Variants in CHLSN observed in about 807,000 individuals in gnomAD.
CHLSN encodes the protein protein cholesin.
chr7:1,095,712 GGTCA>G, the CHLSN span, among the ~76,000 whole-genome samples: 8 of 152,208 alleles, frequency 5.3e-5, no homozygotes, highest in Non-Finnish European at 1.0e-4. Flanking sequence ...GCACTAGAAG[GGTCA>G]GTCACTGCTC....
At chr7:1,125,211 C>A in the CHLSN span, among the ~76,000 whole-genome samples, 9 of 152,220 alleles carry the variant, frequency 5.9e-5, no homozygotes, top group Non-Finnish European at 1.2e-4. Context: ...TCCACCGTCC[C>A]GGGCATCCGT....
At chr7:1,103,017 C>G in the CHLSN span, among the ~76,000 whole-genome samples, 3 of 152,220 alleles carry the variant, frequency 2.0e-5, no homozygotes, top group Non-Finnish European at 2.9e-5. Context: ...CGACCCCTTA[C>G]CCGTGACACG....
At chr7:1,004,426 A>T in the CHLSN span, among the ~76,000 whole-genome samples, 1 of 152,316 alleles carries the variant, frequency 6.6e-6, no homozygotes, top group African/African-American at 2.4e-5. Flanking sequence ...AGTCAGTCAC[A>T]GCTGCTCTGC....
chr7:1,064,142 GCA>G, the CHLSN span, among the ~76,000 whole-genome samples: 1 of 152,172 alleles, frequency 6.6e-6, no homozygotes, highest in Non-Finnish European at 1.5e-5. Context: ...AAGCACGCAT[GCA>G]CACACACAAA....
the CHLSN span, among the ~76,000 whole-genome samples, chr7:1,021,733 A>G: frequency 6.6e-6 from 1 of 152,206 alleles, no homozygotes; most frequent in Non-Finnish European, 1.5e-5. Context: ...ACCAGACAGA[A>G]ACCACAGCTC....
At chr7:1,051,840 T>G in the CHLSN span, among the ~76,000 whole-genome samples, 5 of 152,246 alleles carry the variant, frequency 3.3e-5, no homozygotes, top group South Asian at 8.3e-4. Context: ...TAGCCAGCTG[T>G]AGTGGCACAT....
chr7:1,012,768 G>T, the CHLSN span, among the ~76,000 whole-genome samples: 1 of 152,252 alleles, frequency 6.6e-6, no homozygotes, highest in Non-Finnish European at 1.5e-5. Context: ...GAGAGCCAGG[G>T]GCCTTGGGGG....
chr7:1,059,849 CCG>C, the CHLSN span, among the ~76,000 whole-genome samples: 28 of 33,756 alleles, frequency 8.3e-4, 3 homozygotes, highest in East Asian at 2.9e-3. Flanking sequence ...TGAGGCGGGT[CCG>C]TAGTGGGGCG....
At chr7:1,013,221 C>T in the CHLSN span, among the ~76,000 whole-genome samples, 1 of 152,212 alleles carries the variant, frequency 6.6e-6, no homozygotes, top group African/African-American at 2.4e-5. Context: ...CTGCCACCCA[C>T]GTGCCGACCC....
the CHLSN span, among the ~76,000 whole-genome samples, chr7:1,127,700 CAAT>C: frequency 4.2e-5 from 2 of 47,852 alleles, no homozygotes; most frequent in East Asian, 2.5e-3. Context: ...TGCAGTGGCA[CAAT>C]CTCGGCTGAT....
At chr7:1,096,246 C>T in the CHLSN span, among the ~76,000 whole-genome samples, 1 of 152,210 alleles carries the variant, frequency 6.6e-6, no homozygotes, top group African/African-American at 2.4e-5. This position sits in a 1 kb window ranked among gnomAD's most constrained non-coding sequence, Gnocchi z 4.6. Flanking sequence ...GCTGACACGC[C>T]GCCATCTAGC....
chr7:998,457 C>CTTTTTTTTTTTTTTTTTTTTTT, the CHLSN span, among the ~76,000 whole-genome samples: 1 of 95,012 alleles, frequency 1.1e-5, no homozygotes, highest in Non-Finnish European at 2.0e-5. Context: ...GTCTTAGATT[C>CTTTTTTTTTTTTTTTTTTTTTT]TTTTTTTTTT....
At chr7:1,087,423 C>T in the CHLSN span, among the ~76,000 whole-genome samples, 148 of 152,338 alleles carry the variant, frequency 9.7e-4, 1 homozygote, top group African/African-American at 3.4e-3. Context: ...AAGCTAAATA[C>T]GAAATTCATT....
the CHLSN span, among the ~76,000 whole-genome samples, chr7:1,035,257 T>C: frequency 6.6e-6 from 1 of 152,224 alleles, no homozygotes; most frequent in Non-Finnish European, 1.5e-5. Flanking sequence ...GTGTCATGTC[T>C]TTGCTATTGT....
the CHLSN span, chr7:988,895 C>A: frequency 5.2e-6 from 5 of 963,632 alleles, no homozygotes; most frequent in African/African-American, 8.2e-5. Context: ...TCTCTCCTCC[C>A]ACCCCACAGC....
chr7:1,053,019 A>G, the CHLSN span, among the ~76,000 whole-genome samples: 117 of 152,320 alleles, frequency 7.7e-4, 1 homozygote, highest in African/African-American at 2.7e-3. Context: ...CCTTGAAGGA[A>G]GTCAGCAGAG....
chr7:1,090,963 T>C, the CHLSN span, among the ~76,000 whole-genome samples: 670 of 143,176 alleles, frequency 4.7e-3, 5 homozygotes, highest in African/African-American at 0.017. Flanking sequence ...TCCAGCTTTC[T>C]GGACCCACTC....
the CHLSN span, among the ~76,000 whole-genome samples, chr7:1,018,754 C>A: frequency 6.6e-6 from 1 of 152,058 alleles, no homozygotes; most frequent in African/African-American, 2.4e-5. Flanking sequence ...CACTGTACCC[C>A]AGCCTGGATG....
At chr7:1,123,363 C>T in the CHLSN span, among the ~76,000 whole-genome samples, 2 of 152,358 alleles carry the variant, frequency 1.3e-5, no homozygotes, top group African/African-American at 4.8e-5. The surrounding 1 kb of genome is among the most constrained non-coding windows in gnomAD (Gnocchi z 4.4). Context: ...CGCTGACCCG[C>T]AGGCTCCCCA....
Sources: allele counts gnomAD v4.1 joint callset (sites outside exome capture counted in the v4.1 genomes callset), GRCh38; gene constraint gnomAD v4.1.1; non-coding constraint Gnocchi (gnomAD v3.1); transcripts MANE v1.5; gene names NCBI Gene and HGNC (gene_info 2026-07-23, HGNC 2026-07-21).